UXS1: variants seen among roughly 807,000 people sequenced by gnomAD.
The protein encoded by UXS1 is UDP-glucuronate decarboxylase 1.
Under a neutral mutation model 62.6 loss-of-function variants are expected in UXS1, and 33 were observed. The ratio of observed to expected loss-of-function variants is 0.53; its 90% CI spans 0.40 to 0.70. UXS1 has a LOEUF of 0.70. Ranked by LOEUF, UXS1 falls within the 30% of genes least tolerant of loss-of-function variation. UXS1 has a pLI of 0.00. For synonymous variants in UXS1, 213 were observed against 206.8 expected (o/e 1.03, Z -0.26); for missense variants, 434 against 556.3 (o/e 0.78, Z 2.21).
intron 14 of UXS1, among the ~76,000 whole-genome samples, chr2:106,095,687 C>A (rs890201112): frequency 6.6e-6 from 1 of 152,144 alleles, no homozygotes; most frequent in African/African-American, 2.4e-5. Flanking sequence ...CGAGGGGAGC[C>A]CGAATTTCAG....
intron 14 of UXS1, 24 bp from the exon 15 acceptor site, chr2:106,094,181 G>A (rs1676886966): frequency 1.3e-6 from 2 of 1,492,076 alleles, no homozygotes; most frequent in African/African-American, 3.5e-5. Context: ...AAGCAAGAAA[G>A]GGAGACAAGG....
rs1461696403 is a variant in UXS1, at chr2:106,194,253, G to A, written c.-12C>T. The A allele has an allele frequency of 1.4e-6, 2 of 1,422,060 alleles. No individual in the cohort carries two copies. Among genetic ancestry groups the A allele is most frequent in the Non-Finnish European group, 1.9e-6 (2 of 1,080,304 alleles). 88.1% of individuals were successfully genotyped at this position (1,422,060 alleles called of 1,614,324 possible). On this transcript the variant is annotated 5_prime_UTR_variant, in exon 1 of 15. Transcript: ENST00000283148. ...GCCTTGCTCACCATCCCCGGGAGCC[G>A]CGCGGGTCCAGGGCCCTACCGCGCG... is the stretch of plus-strand genomic sequence containing the variant.
At chr2:106,180,120 A>G (rs1684148940) in intron 1 of UXS1, among the ~76,000 whole-genome samples, 1 of 152,226 alleles carries the variant, frequency 6.6e-6, no homozygotes, top group Admixed American at 6.5e-5. Context: ...AAAAAGAAAG[A>G]TTTCCTCCAC....
At chr2:106,186,207 C>T (rs1684537914) in intron 1 of UXS1, among the ~76,000 whole-genome samples, 1 of 152,156 alleles carries the variant, frequency 6.6e-6, no homozygotes, top group Non-Finnish European at 1.5e-5. Context: ...TGGCAAGAAT[C>T]ACTCCACAGA....
intron 14 of UXS1, 63 bp from the exon 15 acceptor site, chr2:106,094,220 G>C: frequency 6.2e-7 from 1 of 1,603,874 alleles, no homozygotes; most frequent in Non-Finnish European, 8.5e-7. Context: ...ATCGCAGGAA[G>C]GAAGTGCCAC....
intron 10 of UXS1, 66 bp downstream of exon 10, chr2:106,112,580 T>TC: frequency 6.3e-7 from 1 of 1,586,162 alleles, no homozygotes; most frequent in South Asian, 1.1e-5. Context: ...CACTTATCCC[T>TC]CATCCTTTGT....
intron 14 of UXS1, among the ~76,000 whole-genome samples, chr2:106,096,036 C>T (rs921291794): frequency 2.6e-5 from 4 of 152,240 alleles, no homozygotes; most frequent in Non-Finnish European, 5.9e-5. Flanking sequence ...CAGTCTCGCA[C>T]GCTTCCAACC....
chr2:106,153,236 G>A (rs2105023803), intron 5 of UXS1, among the ~76,000 whole-genome samples: 1 of 152,294 alleles, frequency 6.6e-6, no homozygotes, highest in East Asian at 1.9e-4. Flanking sequence ...CCCTGCCAAG[G>A]GGATAGAATT....
chr2:106,186,949 G>C (rs1397484676), intron 1 of UXS1, among the ~76,000 whole-genome samples: 2 of 152,102 alleles, frequency 1.3e-5, no homozygotes, highest in Non-Finnish European at 2.9e-5. Context: ...TAATGGTAAT[G>C]AGATTATATA....
intron 6 of UXS1, among the ~76,000 whole-genome samples, chr2:106,131,034 G>A (rs1680416908): frequency 6.6e-6 from 1 of 151,192 alleles, no homozygotes; most frequent in African/African-American, 2.4e-5. Flanking sequence ...AGTGGGCGCA[G>A]GCCAGTGTGT....
At chr2:106,172,619 C>T (rs571921998) in intron 1 of UXS1, among the ~76,000 whole-genome samples, 12 of 151,892 alleles carry the variant, frequency 7.9e-5, no homozygotes, top group African/African-American at 2.7e-4. Context: ...CCATCTCAAC[C>T]GATAAAATCT....
At chr2:106,189,465 T>G (rs1238025071) in intron 1 of UXS1, among the ~76,000 whole-genome samples, 1 of 152,116 alleles carries the variant, frequency 6.6e-6, no homozygotes, top group Non-Finnish European at 1.5e-5. Flanking sequence ...AGAACCTAAC[T>G]AGAGGGAAGG....
At chr2:106,184,237 G>A (rs527843112) in intron 1 of UXS1, among the ~76,000 whole-genome samples, 2 of 152,258 alleles carry the variant, frequency 1.3e-5, no homozygotes, top group South Asian at 4.2e-4. Context: ...GGCTGACCCT[G>A]AATTAATCCT....
rs1362481939 is a variant in UXS1, at chr2:106,104,926, C to T, written c.880-89G>A. On this transcript the variant is annotated intron_variant, in intron 10 of 14. Coordinates refer to ENST00000283148, the MANE Select transcript of UXS1 (RefSeq NM_001253875.2). ...GAAACTCCAGGGGACACAGTCCGAC[C>T]TTGAAACTGATCCCAGGGGGCAGTG... is the stretch of plus-strand genomic sequence containing the variant. The T allele has an allele frequency of 2.6e-6, 4 of 1,513,752 alleles. No individual in the cohort carries two copies. In the Admixed American group the frequency reaches 6.7e-5, roughly 25 times the overall value. The allele number at this position is 1,513,752 out of a possible 1,614,324, so 93.8% of individuals were successfully genotyped here.
At chr2:106,165,404 A>G (rs1251465640) in intron 2 of UXS1, among the ~76,000 whole-genome samples, 1 of 152,210 alleles carries the variant, frequency 6.6e-6, no homozygotes, top group Non-Finnish European at 1.5e-5. Context: ...TCATCACAAT[A>G]GTGATTCTCA....
chr2:106,170,904 G>A (rs1184519646), intron 1 of UXS1, among the ~76,000 whole-genome samples: 3 of 152,158 alleles, frequency 2.0e-5, no homozygotes, highest in Non-Finnish European at 4.4e-5. Flanking sequence ...AGATAGCTGG[G>A]CATTACTAAC....
chr2:106,149,525 C>G (rs936196609), intron 5 of UXS1, among the ~76,000 whole-genome samples: 3 of 152,164 alleles, frequency 2.0e-5, no homozygotes, highest in African/African-American at 7.2e-5. Context: ...CTCTCTCTTG[C>G]TCTCTCTTTA....
At chr2:106,123,429 T>G (rs960353201) in intron 8 of UXS1, among the ~76,000 whole-genome samples, 3 of 152,214 alleles carry the variant, frequency 2.0e-5, no homozygotes, top group Non-Finnish European at 2.9e-5. Flanking sequence ...ATATGTGGTT[T>G]TGTTTTATAT....
intron 6 of UXS1, among the ~76,000 whole-genome samples, chr2:106,143,431 AAAAAAAAG>A (rs1280375742): frequency 0.017 from 2,429 of 143,934 alleles, 65 homozygotes; most frequent in East Asian, 0.042. Context: ...AAAAAAAAAA[AAAAAAAAG>A]GTATAATTTG....
Sources: gnomAD v4.1 joint callset for allele counts (sites outside exome capture counted in the v4.1 genomes callset) on GRCh38, gnomAD v4.1.1 for gene constraint, MANE v1.5 for transcripts, NCBI Gene and HGNC (gene_info 2026-07-23, HGNC 2026-07-21) for gene names.